The following SNX29 variants were observed in gnomAD, a reference collection of about 807,000 sequenced individuals.
SNX29 encodes sorting nexin 29, also known as sorting nexin-29.
In SNX29, 78 loss-of-function variants were observed where a neutral mutation model predicts 102.1. The observed-to-expected ratio is 0.76, with a 90% CI of 0.64 to 0.92. The LOEUF (loss-of-function observed/expected upper bound fraction) is 0.92, where lower values mean the gene tolerates loss of function less well. Ranked by LOEUF, SNX29 falls within the 40% of genes least tolerant of loss-of-function variation. The pLI is 0.00. For missense variants in SNX29, 1,280 were observed against 1,061.7 expected, an observed-to-expected ratio of 1.21 and a Z score of -2.86; for synonymous variants, 580 against 414.5, an observed-to-expected ratio of 1.40 and a Z score of -4.85.
chr16:12,150,910 C>T (rs1184875164), intron 13 of SNX29, among the ~76,000 whole-genome samples: 2 of 152,156 alleles, frequency 1.3e-5, no homozygotes, highest in Non-Finnish European at 2.9e-5. Context: ...CGGATAGGAC[C>T]CCTGTTTTCC....
At chr16:11,978,878 T>C (rs1293198583) in intron 1 of SNX29, among the ~76,000 whole-genome samples, 1 of 151,612 alleles carries the variant, frequency 6.6e-6, no homozygotes, top group Non-Finnish European at 1.5e-5. Flanking sequence ...TGAGCCAAGA[T>C]CAAGCCACTG....
chr16:12,060,770 C>T (rs1457913701), intron 8 of SNX29: 1 of 456,316 alleles, frequency 2.2e-6, no homozygotes, highest in Non-Finnish European at 4.4e-6. Flanking sequence ...GGGGCAATTA[C>T]TCCCAAACAA....
intron 11 of SNX29, among the ~76,000 whole-genome samples, chr16:12,095,761 G>C (rs1448746776): frequency 6.6e-6 from 1 of 152,180 alleles, no homozygotes; most frequent in Non-Finnish European, 1.5e-5. Context: ...GGTGAGCCCA[G>C]ACCATCCGGC....
At chr16:12,403,383 T>C in intron 17 of SNX29, 65 bp from the exon 18 acceptor site, 1 of 1,485,072 alleles carries the variant, frequency 6.7e-7, no homozygotes, top group South Asian at 1.2e-5. Flanking sequence ...TTCCTCTTTT[T>C]TATTTTTTAT....
chr16:11,991,327 A>C (rs961142174), intron 1 of SNX29, among the ~76,000 whole-genome samples: 3 of 152,140 alleles, frequency 2.0e-5, no homozygotes, highest in Non-Finnish European at 4.4e-5. Context: ...TGAGAGCAAA[A>C]GGGCCAGAGC....
At chr16:12,546,451 C>T (rs529159401) in intron 20 of SNX29, 1 of 152,266 alleles carries the variant, frequency 6.6e-6, no homozygotes, top group East Asian at 1.9e-4. Context: ...GAAACTCTTC[C>T]TTATGAAACC....
intron 16 of SNX29, among the ~76,000 whole-genome samples, chr16:12,361,511 A>G (rs1480114395): frequency 2.0e-5 from 3 of 152,192 alleles, no homozygotes; most frequent in Non-Finnish European, 1.5e-5. Flanking sequence ...CCTCTTGTAT[A>G]TTAGTAATTC....
At chr16:12,132,038 G>C (rs746079816) in intron 13 of SNX29, among the ~76,000 whole-genome samples, 1 of 151,922 alleles carries the variant, frequency 6.6e-6, no homozygotes, top group Non-Finnish European at 1.5e-5. Flanking sequence ...TCACAATAAA[G>C]TCTGAAGTCT....
chr16:12,321,605 C>T (rs981944451), intron 15 of SNX29, among the ~76,000 whole-genome samples: 3 of 152,092 alleles, frequency 2.0e-5, no homozygotes, highest in Non-Finnish European at 4.4e-5. Context: ...GGGATGAGCT[C>T]CAGTGAGCAG....
At position 12,380,726 on chromosome 16, in the gene SNX29, G is replaced by GCCAT. The variant is rs1330791836; in HGVS notation, c.1900-17704_1900-17701dup. Among the ~76,000 whole-genome samples, 5 of 19,406 alleles carry GCCAT rather than the reference G, an allele frequency of 2.6e-4. 1 individual carries two copies. The highest frequency in any genetic ancestry group is 1.4e-3 in the Admixed American group (2 of 1,424). 12.7% of individuals were successfully genotyped at this position (19,406 alleles called of 152,430 possible). A position where few individuals can be genotyped will look rare whatever the true frequency, so the allele number is the denominator to read the frequency against. On this transcript the variant is annotated intron_variant, in intron 16 of 20. Coordinates refer to ENST00000566228, the MANE Select transcript of SNX29 (RefSeq NM_032167.5). ...CACCAACCATCAATTCCATCCACCC[G>GCCAT]CCATCCATCCATCCATCCACCCACC... is the stretch of plus-strand genomic sequence containing the variant.
chr16:12,535,746 C>T (rs140795732), intron 20 of SNX29, among the ~76,000 whole-genome samples: 2 of 152,142 alleles, frequency 1.3e-5, no homozygotes, highest in African/African-American at 4.8e-5. Context: ...TCACGCTCGT[C>T]TTCCACCACT....
At chr16:12,406,465 C>G (rs1009284220) in intron 18 of SNX29, among the ~76,000 whole-genome samples, 1 of 152,184 alleles carries the variant, frequency 6.6e-6, no homozygotes, top group Non-Finnish European at 1.5e-5. Context: ...TGAAGGAAAC[C>G]AAGGGCATAA....
chr16:12,482,856 A>G (rs2088012336), intron 19 of SNX29, among the ~76,000 whole-genome samples: 1 of 152,178 alleles, frequency 6.6e-6, no homozygotes, highest in Admixed American at 6.6e-5. Flanking sequence ...TTAATTGACA[A>G]AATTAGCATG....
chr16:12,126,500 G>T lies in SNX29; in HGVS notation c.1403-133G>T, dbSNP rs971927755. On this transcript the variant is annotated intron_variant, in intron 11 of 20. Coordinates refer to ENST00000566228, the MANE Select transcript of SNX29 (RefSeq NM_032167.5). The stretch of plus-strand genomic sequence containing the variant: ...AGCCGAGTCTCTTAGACTGTTATAG[G>T]AGTTATTTTTGAAAGGGAAAAGGGA... 4.6e-6 allele frequency: 4 copies of T among 861,056 alleles called. No individual in the cohort carries two copies. The African/African-American group carries it at 5.1e-5, about 11-fold the overall frequency. 53.3% of individuals were successfully genotyped at this position (861,056 alleles called of 1,614,324 possible). A position where few individuals can be genotyped will look rare whatever the true frequency, so the allele number is the denominator to read the frequency against.
intron 11 of SNX29, among the ~76,000 whole-genome samples, chr16:12,107,614 C>A (rs2053316215): frequency 6.6e-6 from 1 of 151,920 alleles, no homozygotes; most frequent in Admixed American, 6.6e-5. Flanking sequence ...CCGGCCTGGG[C>A]AACAGAGTGA....
At chr16:12,017,706 A>G (rs919585371) in intron 3 of SNX29, among the ~76,000 whole-genome samples, 3 of 151,788 alleles carry the variant, frequency 2.0e-5, no homozygotes, top group East Asian at 1.9e-4. Context: ...CTGGAATTTC[A>G]TTCTGTCTGT....
At chr16:12,317,655 A>G (rs989677234) in intron 15 of SNX29, among the ~76,000 whole-genome samples, 17 of 152,190 alleles carry the variant, frequency 1.1e-4, no homozygotes, top group Non-Finnish European at 2.4e-4. Context: ...AACACCTGAC[A>G]TCAGCTTCAC....
At chr16:12,540,905 G>A (rs188905394) in intron 20 of SNX29, among the ~76,000 whole-genome samples, 49 of 152,330 alleles carry the variant, frequency 3.2e-4, no homozygotes, top group African/African-American at 7.9e-4. Flanking sequence ...GGGCTTCTCT[G>A]ACAGCCCTGT....
At chr16:12,497,722 C>T (rs1022417164) in intron 19 of SNX29, among the ~76,000 whole-genome samples, 2 of 152,210 alleles carry the variant, frequency 1.3e-5, no homozygotes, top group Non-Finnish European at 2.9e-5. Context: ...GCAGCCACCT[C>T]TCTCAAGGCA....
Sources: allele counts gnomAD v4.1 joint callset (sites outside exome capture counted in the v4.1 genomes callset), GRCh38; gene constraint gnomAD v4.1.1; transcripts MANE v1.5; gene names NCBI Gene and HGNC (gene_info 2026-07-23, HGNC 2026-07-21).